SYNRG: variants seen among roughly 807,000 people sequenced by gnomAD.
The protein encoded by SYNRG is AP1 gamma subunit binding protein 1.
Under a neutral mutation model 130.9 loss-of-function variants are expected in SYNRG, and 37 were observed. That is an observed-to-expected ratio of 0.28 (90% CI 0.22 to 0.37). SYNRG has a LOEUF of 0.37. SYNRG is among the 10% of genes least tolerant of loss of function. SYNRG has a pLI of 1.00. For missense variants in SYNRG, 1,338 were observed against 1,588.9 expected (o/e 0.84, Z 2.68); for synonymous variants, 539 against 568.1 (o/e 0.95, Z 0.73).
intron 8 of SYNRG, among the ~76,000 whole-genome samples, chr17:37,575,063 C>A (rs1431358697): frequency 1.3e-5 from 2 of 151,896 alleles, no homozygotes; most frequent in African/African-American, 4.8e-5. Flanking sequence ...AGACAAATTT[C>A]ATATATTCTC....
intron 13 of SYNRG, among the ~76,000 whole-genome samples, chr17:37,560,838 T>A (rs2059472764): frequency 6.6e-6 from 1 of 151,376 alleles, no homozygotes; most frequent in African/African-American, 2.4e-5. Flanking sequence ...CTAATTTTCA[T>A]ATTTTTAGTA....
chr17:37,563,993 A>C, intron 11 of SYNRG, among the ~76,000 whole-genome samples: 1 of 150,726 alleles, frequency 6.6e-6, no homozygotes. Context: ...ACAGGCACAC[A>C]CCACCAGGCC....
intron 3 of SYNRG, among the ~76,000 whole-genome samples, chr17:37,595,193 C>CT (rs1428668562): frequency 1.3e-5 from 2 of 152,126 alleles, no homozygotes; most frequent in African/African-American, 2.4e-5. Context: ...TTTCCTGACC[C>CT]TTTAAACACA....
At position 37,553,892 on chromosome 17, in the gene SYNRG, G is replaced by A. The variant is rs750343720; in HGVS notation, c.1831C>T (p.Pro611Ser). ...ATATCTAGGTCTGCTAAGTTCAGAGGGTTTTTCACTTGTGTTTGTTGTTTC... is the reference window on the plus strand; with the variant it reads ...ATATCTAGGTCTGCTAAGTTCAGAGAGTTTTTCACTTGTGTTTGTTGTTTC... ...QQKQQTQVKN[P>S]LNLADLDMFS... The change falls in exon 14 of 22, where the codon CCT becomes TCT. Residue 611 changes from proline (P) to serine (S), a missense_variant. By Grantham distance (74) the Pro-to-Ser change is moderately conservative. Around this residue, in one of 3 missense-constraint regions of SYNRG, gnomAD observed 1,146 missense variants for 1,342.3 expected, o/e 0.85. Transcript: ENST00000612223. 3 of 1,606,778 alleles carry A rather than the reference G, an allele frequency of 1.9e-6. No homozygotes were observed. The highest frequency in any genetic ancestry group is 1.7e-6 in the Non-Finnish European group (2 of 1,178,496).
chr17:37,601,142 A>G (rs1032269133), intron 1 of SYNRG, among the ~76,000 whole-genome samples: 3 of 152,080 alleles, frequency 2.0e-5, no homozygotes, highest in African/African-American at 4.8e-5. Flanking sequence ...ATCTTGGCTC[A>G]CTGCAGCCTC....
chr17:37,574,818 T>C (rs2060684950), intron 8 of SYNRG, among the ~76,000 whole-genome samples: 1 of 152,006 alleles, frequency 6.6e-6, no homozygotes, highest in Non-Finnish European at 1.5e-5. Context: ...TGTAAATTAG[T>C]ACAGCCACTA....
intron 19 of SYNRG, among the ~76,000 whole-genome samples, chr17:37,527,402 A>G (rs2144128509): frequency 6.6e-6 from 1 of 152,274 alleles, no homozygotes; most frequent in Admixed American, 6.5e-5. Flanking sequence ...CTTGAGAAAG[A>G]AGCAGGCCTT....
chr17:37,568,964 G>T (rs2060204601), intron 10 of SYNRG, 40 bp from the exon 11 acceptor site: 1 of 1,578,178 alleles, frequency 6.3e-7, no homozygotes, highest in South Asian at 1.2e-5. Context: ...AGCACTGACT[G>T]ACAAAATAAA....
At chr17:37,593,994 G>A (rs1156576635) in intron 3 of SYNRG, among the ~76,000 whole-genome samples, 1 of 151,716 alleles carries the variant, frequency 6.6e-6, no homozygotes, top group South Asian at 2.1e-4. Flanking sequence ...TAATACACAA[G>A]CTTCTGATAT....
chr17:37,560,669 ATTTT>A (rs749040118), intron 13 of SYNRG, among the ~76,000 whole-genome samples: 1 of 125,910 alleles, frequency 7.9e-6, no homozygotes. Context: ...AACAATAGCT[ATTTT>A]TTTTTTTTTT....
At position 37,518,880 on chromosome 17, in the gene SYNRG, C is replaced by T; in HGVS notation, c.*60G>A. On this transcript the variant is annotated 3_prime_UTR_variant, in exon 22 of 22. Transcript: ENST00000612223. ...CAGTGCTCGCATTCTATTTATTGGTCCCTGTCACCCCGTGGGGTGTCACAG... is the reference window on the plus strand; with the variant it reads ...CAGTGCTCGCATTCTATTTATTGGTTCCTGTCACCCCGTGGGGTGTCACAG... The T allele has an allele frequency of 6.3e-7, 1 of 1,587,120 alleles. No homozygotes were observed.
intron 10 of SYNRG, among the ~76,000 whole-genome samples, chr17:37,569,293 C>A (rs1216384988): frequency 4.0e-5 from 6 of 148,844 alleles, no homozygotes; most frequent in African/African-American, 1.6e-4. Context: ...GCCTGTAGTC[C>A]CAGCTACGTG....
intron 19 of SYNRG, among the ~76,000 whole-genome samples, chr17:37,528,323 TCCTACCTTCC>T (rs1171647769): frequency 6.6e-6 from 1 of 152,166 alleles, no homozygotes; most frequent in Non-Finnish European, 1.5e-5. Context: ...ACTCTTCCCC[TCCTACCTTCC>T]CCTTATAAGG....
At chr17:37,579,507 A>G (rs2061118818) in intron 6 of SYNRG, 1 of 1,117,010 alleles carries the variant, frequency 9.0e-7, no homozygotes, top group Non-Finnish European at 1.2e-6. Context: ...AAGATGTAGT[A>G]CAATTCCAAA....
intron 2 of SYNRG, among the ~76,000 whole-genome samples, chr17:37,597,166 G>C (rs905168797): frequency 1.3e-5 from 2 of 152,154 alleles, no homozygotes; most frequent in East Asian, 3.9e-4. Flanking sequence ...ATGTGGTAAG[G>C]TACTGAGGTC....
intron 19 of SYNRG, among the ~76,000 whole-genome samples, chr17:37,532,934 C>A (rs1329991384): frequency 6.6e-6 from 1 of 152,154 alleles, no homozygotes; most frequent in Non-Finnish European, 1.5e-5. Flanking sequence ...AAATGACTTC[C>A]ACTCATACTT....
At chr17:37,584,796 A>G in intron 5 of SYNRG, 37 bp from the exon 6 acceptor site, 1 of 1,507,330 alleles carries the variant, frequency 6.6e-7, no homozygotes, top group Non-Finnish European at 9.2e-7. Flanking sequence ...TTCTTTACTT[A>G]TCCCTCACTG....
intron 19 of SYNRG, among the ~76,000 whole-genome samples, chr17:37,532,058 C>T (rs1031494422): frequency 2.0e-5 from 3 of 152,220 alleles, no homozygotes; most frequent in African/African-American, 7.2e-5. Context: ...TATTTAGAAT[C>T]GCTGCCTTAG....
At chr17:37,606,625 ACT>A (rs562868058) in intron 1 of SYNRG, among the ~76,000 whole-genome samples, 5 of 150,420 alleles carry the variant, frequency 3.3e-5, no homozygotes, top group Non-Finnish European at 4.4e-5. Context: ...AGATCTTTCA[ACT>A]CTTTTTTTTT....
Sources: gnomAD v4.1 joint callset for allele counts (sites outside exome capture counted in the v4.1 genomes callset) on GRCh38, gnomAD v4.1.1 for gene constraint, gnomAD v4.1.1 regional missense constraint, MANE v1.5 for transcripts, NCBI Gene and HGNC (gene_info 2026-07-23, HGNC 2026-07-21) for gene names.